LVRN: variants seen among roughly 807,000 people sequenced by gnomAD.
The protein encoded by LVRN is aminopeptidase Q.
LVRN carries 99 observed loss-of-function variants against 111.4 expected under a neutral mutation model. That is an observed-to-expected ratio of 0.89 (90% CI 0.76 to 1.05). LVRN has a LOEUF of 1.05. Among genes scored for constraint, LVRN ranks in the 50% least tolerant of loss-of-function variants. The pLI is 0.00. For missense variants in LVRN, 1,414 were observed against 1,206.8 expected (o/e 1.17, Z -2.54); for synonymous variants, 488 against 449.5 (o/e 1.09, Z -1.08).
At chr5:116,013,154 T>A (rs1748526367) in intron 15 of LVRN, among the ~76,000 whole-genome samples, 1 of 152,138 alleles carries the variant, frequency 6.6e-6, no homozygotes, top group Non-Finnish European at 1.5e-5. Flanking sequence ...CTGGTAAACA[T>A]CAGGTTCAAA....
At position 115,963,280 on chromosome 5, in the gene LVRN, C is replaced by A. The variant is rs1445708; in HGVS notation, c.663C>A (p.Phe221Leu). 1 of 1,611,446 alleles carries A rather than the reference C, an allele frequency of 6.2e-7. No individual in the cohort carries two copies. Among genetic ancestry groups the A allele is most frequent in the Non-Finnish European group, 8.5e-7 (1 of 1,179,402 alleles). ...LVKEDLREGL[F>L]LNVYTDQGER... is the part of the protein sequence containing the mutation. ...AGGAAGACCTCAGGGAGGGACTCTT[C>A]CTCAACGTCTACACCGACCAGGGCG... The change falls in exon 1 of 20, where the codon TTC becomes TTA. Residue 221 changes from phenylalanine to leucine, a missense_variant. Phe to Leu is a conservative substitution (Grantham distance 22). Transcript: ENST00000357872.
chr5:116,006,860 A>G (rs1748386558), intron 13 of LVRN, among the ~76,000 whole-genome samples: 3 of 152,184 alleles, frequency 2.0e-5, no homozygotes, highest in Non-Finnish European at 4.4e-5. Flanking sequence ...GGTCATACAA[A>G]TACAGTGCCT....
chr5:116,025,185 C>G (rs1748836202), intron 19 of LVRN, among the ~76,000 whole-genome samples: 2 of 152,014 alleles, frequency 1.3e-5, no homozygotes, highest in Admixed American at 1.3e-4. Flanking sequence ...GAGGATTGTT[C>G]CTGGCTCTTT....
At position 115,962,549 on chromosome 5, in the gene LVRN, C is replaced by T. The variant is rs1206971861; in HGVS notation, c.-69C>T. On this transcript the variant is annotated 5_prime_UTR_variant, in exon 1 of 20. Transcript: ENST00000357872. ...GGGCAGGGGTCGCAGCACTGAACAC[C>T]CTGGCCGGGGTTTTGACAGCTGCCA... is the stretch of plus-strand genomic sequence containing the variant. The T allele has an allele frequency of 2.1e-6, 3 of 1,441,772 alleles. No individual in the cohort carries two copies. The highest frequency in any genetic ancestry group is 1.9e-6 in the Non-Finnish European group (2 of 1,052,662). The allele number at this position is 1,441,772 out of a possible 1,614,324, so 89.3% of individuals were successfully genotyped here.
In LVRN at chr5:115,983,303, C is replaced by T; in HGVS notation, c.712C>T (p.Gln238Ter). 6.3e-7 allele frequency: 1 copy of T among 1,598,660 alleles called. No individual in the cohort carries two copies. The highest frequency in any genetic ancestry group is 8.5e-7 in the Non-Finnish European group (1 of 1,175,314). Reference protein sequence around the residue: ...QGERRALLASQLEPTFARYVF... With the variant: ...QGERRALLAS ...GTATTTCAGGGCCCTGTTAGCGTCC[C>T]AGCTGGAACCAACATTTGCCAGGTA... Residue 238 changes from glutamine to a stop codon, truncating the protein, a stop_gained, in exon 2 of 20, where the codon CAG becomes TAG. Coordinates refer to ENST00000357872, the MANE Select transcript of LVRN (RefSeq NM_173800.5). LOFTEE classifies it high-confidence loss of function.
intron 11 of LVRN, 32 bp from the exon 12 acceptor site, chr5:116,003,209 C>T (rs1293774875): frequency 6.5e-7 from 1 of 1,529,014 alleles, no homozygotes; most frequent in Non-Finnish European, 8.9e-7. Flanking sequence ...TTTAAATGTA[C>T]CATTTCAAAT....
chr5:115,966,223 C>T (rs138363954), intron 1 of LVRN, among the ~76,000 whole-genome samples: 5 of 152,282 alleles, frequency 3.3e-5, no homozygotes, highest in African/African-American at 4.8e-5. Flanking sequence ...GCACTCATAC[C>T]ACTCCTAATC....
rs1283303275 is a variant in LVRN at position 116,000,611 on chromosome 5, T to G, written c.1600T>G (p.Ser534Ala). 1.2e-6 allele frequency: 2 copies of G among 1,614,066 alleles called. No individual in the cohort carries two copies. Among genetic ancestry groups the G allele is most frequent in the South Asian group, 2.2e-5 (2 of 91,070 alleles). The stretch of plus-strand genomic sequence containing the variant: ...TTTACAGTCATATTTGAAGACATTT[T>G]CCTACTCAAACGCTGAGCAAGATGA... ...SALKSYLKTFSYSNAEQDDLW... is the reference protein window; with the variant it reads ...SALKSYLKTFAYSNAEQDDLW... Residue 534 changes from serine to alanine, a missense_variant, in exon 9 of 20, where the codon TCC becomes GCC. By Grantham distance (99) the Ser-to-Ala change is moderately conservative. Transcript: ENST00000357872.
chr5:115,991,624 G>A (rs571129818), intron 4 of LVRN, among the ~76,000 whole-genome samples: 2 of 152,072 alleles, frequency 1.3e-5, no homozygotes, highest in South Asian at 2.1e-4. Flanking sequence ...GCATCCCCAC[G>A]AGCAATGAAT....
At chr5:115,963,650 T>A (rs1358672733) in intron 1 of LVRN, among the ~76,000 whole-genome samples, 1 of 152,140 alleles carries the variant, frequency 6.6e-6, no homozygotes, top group Non-Finnish European at 1.5e-5. Context: ...TAGGTAGGAA[T>A]TGAACAATGA....
chr5:115,988,620 C>A (rs903663868), intron 4 of LVRN, among the ~76,000 whole-genome samples: 13 of 152,090 alleles, frequency 8.5e-5, no homozygotes, highest in African/African-American at 3.1e-4. Context: ...AAAAAGTATG[C>A]GCTGCCTATA....
chr5:115,966,347 C>G (rs908744267), intron 1 of LVRN, among the ~76,000 whole-genome samples: 4 of 152,158 alleles, frequency 2.6e-5, no homozygotes, highest in African/African-American at 9.7e-5. Flanking sequence ...GCATAATGCC[C>G]TTGCGATCCA....
At chr5:116,004,870 G>T (rs1220813845) in intron 12 of LVRN, among the ~76,000 whole-genome samples, 1 of 152,140 alleles carries the variant, frequency 6.6e-6, no homozygotes, top group Non-Finnish European at 1.5e-5. Context: ...TTCATAACAT[G>T]TTCAGTAATT....
rs747594884 is a variant in LVRN, at chr5:115,993,785, G to T, written c.1305G>T (p.Trp435Cys). The change falls in exon 6 of 20, where the codon TGG becomes TGT. Residue 435 changes from tryptophan to cysteine, a missense_variant. Trp to Cys is a radical substitution (Grantham distance 215). Coordinates refer to ENST00000357872, the MANE Select transcript of LVRN (RefSeq NM_173800.5). ...LVTMNWWNNIWLNEGFASYFE... is the reference protein window; with the variant it reads ...LVTMNWWNNICLNEGFASYFE... ...CCATGAATTGGTGGAACAATATCTGGCTCAACGAGGGTTTTGCATCTTATT... is the reference window on the plus strand; with the variant it reads ...CCATGAATTGGTGGAACAATATCTGTCTCAACGAGGGTTTTGCATCTTATT... 1 of 1,610,836 alleles carries T rather than the reference G, an allele frequency of 6.2e-7. No individual in the cohort carries two copies. The highest frequency in any genetic ancestry group is 2.2e-5 in the East Asian group (1 of 44,638).
intron 1 of LVRN, chr5:115,975,357 T>A: frequency 4.2e-6 from 1 of 239,180 alleles, no homozygotes; most frequent in South Asian, 5.9e-5. Context: ...TATCAACACC[T>A]TTCCTAAGGT....
In LVRN at chr5:116,027,449, A is replaced by T. The variant is rs960716317; in HGVS notation, c.*1331A>T. On this transcript the variant is annotated 3_prime_UTR_variant, in exon 20 of 20. Transcript: ENST00000357872. ...GCTTTTGTATTTGATTCACAAGAGGATTCTCCCTGAGTGTCAGGGGAGGCT... is the reference window on the plus strand; with the variant it reads ...GCTTTTGTATTTGATTCACAAGAGGTTTCTCCCTGAGTGTCAGGGGAGGCT... The T allele has an allele frequency of 7.2e-5, 11 of 152,200 alleles. No homozygotes were observed. Among genetic ancestry groups the T allele is most frequent in the African/African-American group, 2.4e-4 (10 of 41,456 alleles). The allele number at this position is 152,200 out of a possible 1,614,324, so 9.4% of individuals were successfully genotyped here. A position where few individuals can be genotyped will look rare whatever the true frequency, so the allele number is the denominator to read the frequency against.
At chr5:115,975,635 T>C (rs1419233591) in intron 1 of LVRN, 1 of 155,286 alleles carries the variant, frequency 6.4e-6, no homozygotes, top group East Asian at 1.9e-4. Context: ...ACCGAATAGG[T>C]GTTGGTTTTT....
At chr5:115,985,490 G>A (rs1489571406) in intron 3 of LVRN, among the ~76,000 whole-genome samples, 1 of 152,094 alleles carries the variant, frequency 6.6e-6, no homozygotes, top group Non-Finnish European at 1.5e-5. Flanking sequence ...CAACAAGGGT[G>A]GTTTTGAAGA....
At chr5:115,990,638 C>A (rs149285327) in intron 4 of LVRN, among the ~76,000 whole-genome samples, 41 of 152,138 alleles carry the variant, frequency 2.7e-4, no homozygotes, top group African/African-American at 9.4e-4. Context: ...GTGGTGCAAT[C>A]CCCCCCTACT....
Sources: gnomAD v4.1 joint callset for allele counts (sites outside exome capture counted in the v4.1 genomes callset) on GRCh38, gnomAD v4.1.1 for gene constraint, MANE v1.5 for transcripts, NCBI Gene and HGNC (gene_info 2026-07-23, HGNC 2026-07-21) for gene names.